The following RGS21 variants were observed in gnomAD, a reference collection of about 807,000 sequenced individuals.
RGS21 encodes the protein regulator of G-protein signalling 21.
A neutral mutation model predicts 18.7 loss-of-function variants in RGS21; 19 were observed. The observed-to-expected ratio is 1.01, with a 90% confidence interval of 0.71 to 1.49. The LOEUF (loss-of-function observed/expected upper bound fraction) is 1.49, where lower values mean the gene tolerates loss of function less well. Among genes scored for constraint, RGS21 ranks in the 40% most tolerant of loss-of-function variants. The pLI is 0.00. For synonymous variants in RGS21, 56 were observed against 57.8 expected (o/e 0.97, Z 0.14); for missense variants, 194 against 176.8 (o/e 1.10, Z -0.55).
intron 1 of RGS21, among the ~76,000 whole-genome samples, chr1:192,327,720 A>G (rs1658586792): frequency 6.6e-6 from 1 of 151,988 alleles, no homozygotes; most frequent in South Asian, 2.1e-4. Context: ...TGATCCACCC[A>G]CCTCAGCCTT....
intron 1 of RGS21, among the ~76,000 whole-genome samples, chr1:192,327,459 T>C (rs1658583380): frequency 1.3e-5 from 2 of 149,954 alleles, no homozygotes; most frequent in African/African-American, 5.0e-5. Context: ...AAAACATTCT[T>C]TTTTTTTAAT....
intron 3 of RGS21, among the ~76,000 whole-genome samples, chr1:192,349,872 G>A (rs1659011860): frequency 6.6e-6 from 1 of 152,078 alleles, no homozygotes; most frequent in African/African-American, 2.4e-5. Flanking sequence ...AATCCTCCTA[G>A]GGAGAAGCTC....
rs775274779 is a variant in RGS21 at position 192,366,094 on chromosome 1, A to G, written c.429A>G (p.Pro143=). ...YKKLVNSQQV[P]NHKKWLPFL The stretch of plus-strand genomic sequence containing the variant: ...AACTGGTAAATAGCCAACAGGTTCC[A>G]AATCATAAAAAATGGCTCCCTTTTT... Residue 143 remains proline (P), a synonymous_variant, in exon 5 of 5, where the codon CCA becomes CCG. Coordinates refer to ENST00000417209, the MANE Select transcript of RGS21 (RefSeq NM_001039152.3). The G allele has an allele frequency of 1.2e-6, 2 of 1,609,210 alleles. No individual in the cohort carries two copies. Among genetic ancestry groups the G allele is most frequent in the South Asian group, 2.2e-5 (2 of 90,504 alleles).
intron 3 of RGS21, among the ~76,000 whole-genome samples, chr1:192,349,664 C>T (rs545708810): frequency 6.6e-6 from 1 of 152,110 alleles, no homozygotes; most frequent in Non-Finnish European, 1.5e-5. Flanking sequence ...ATATCATGTT[C>T]AAGATATAGA....
chr1:192,329,114 A>G (rs1281883643), intron 1 of RGS21, among the ~76,000 whole-genome samples: 1 of 152,112 alleles, frequency 6.6e-6, no homozygotes, highest in Non-Finnish European at 1.5e-5. Flanking sequence ...GATACAATAA[A>G]TCACAAATTT....
intron 1 of RGS21, among the ~76,000 whole-genome samples, chr1:192,335,335 G>A (rs1431938207): frequency 6.6e-6 from 1 of 152,120 alleles, no homozygotes; most frequent in Non-Finnish European, 1.5e-5. Flanking sequence ...AATGAAATTA[G>A]ATACTCTCTT....
chr1:192,322,632 AC>A (rs546954021), intron 1 of RGS21, among the ~76,000 whole-genome samples: 67 of 152,084 alleles, frequency 4.4e-4, no homozygotes, highest in African/African-American at 1.5e-3. Context: ...AAGTTCTTCC[AC>A]TAACGCCAGA....
chr1:192,365,653 G>T (rs952246530), intron 4 of RGS21, among the ~76,000 whole-genome samples: 1 of 152,028 alleles, frequency 6.6e-6, no homozygotes, highest in East Asian at 1.9e-4. Flanking sequence ...AAAATATCTT[G>T]CTTGCTTTTT....
At chr1:192,339,702 A>T (rs1446613955) in intron 1 of RGS21, among the ~76,000 whole-genome samples, 2 of 152,088 alleles carry the variant, frequency 1.3e-5, no homozygotes, top group Non-Finnish European at 2.9e-5. Context: ...CCAGCATACT[A>T]TACTTTTTAA....
chr1:192,364,571 G>A (rs1003164443), intron 4 of RGS21, among the ~76,000 whole-genome samples: 4 of 152,074 alleles, frequency 2.6e-5, no homozygotes, highest in African/African-American at 9.7e-5. Flanking sequence ...CAAGTAAGTA[G>A]CTGAGGAGGA....
At chr1:192,327,555 C>A (rs189707641) in intron 1 of RGS21, among the ~76,000 whole-genome samples, 24 of 151,978 alleles carry the variant, frequency 1.6e-4, no homozygotes, top group Non-Finnish European at 2.6e-4. Flanking sequence ...TCACTGCAAC[C>A]TTCACCTCCT....
At chr1:192,351,724 A>C (rs1450637150) in intron 3 of RGS21, among the ~76,000 whole-genome samples, 1 of 147,878 alleles carries the variant, frequency 6.8e-6, no homozygotes, top group Non-Finnish European at 1.5e-5. Flanking sequence ...TATAACACAT[A>C]TAATATATAT....
chr1:192,331,304 A>G lies in RGS21; in HGVS notation c.-60-11673A>G, dbSNP rs1658644586. On this transcript the variant is annotated intron_variant, in intron 1 of 4. Transcript: ENST00000417209. ...TGTGGTGGCTCACGCCTATAATCCC[A>G]GCACTTTGGGAGGCCTAGGCAGGCA... Among the ~76,000 whole-genome samples the G allele has an allele frequency of 3.3e-5, 5 of 152,200 alleles. No individual in the cohort carries two copies. The South Asian group carries it at 1.0e-3, about 31-fold the overall frequency.
intron 4 of RGS21, among the ~76,000 whole-genome samples, chr1:192,362,930 T>C (rs969646267): frequency 3.9e-5 from 6 of 152,078 alleles, no homozygotes; most frequent in Non-Finnish European, 7.4e-5. Flanking sequence ...AATATCATCT[T>C]AGCAATGCAA....
intron 4 of RGS21, among the ~76,000 whole-genome samples, chr1:192,355,869 G>A (rs1659104892): frequency 1.3e-5 from 2 of 151,166 alleles, no homozygotes; most frequent in African/African-American, 4.8e-5. Flanking sequence ...AAGTCATAGA[G>A]GATGAAAATA....
intron 3 of RGS21, among the ~76,000 whole-genome samples, chr1:192,348,130 A>T (rs960359881): frequency 4.0e-5 from 6 of 150,588 alleles, no homozygotes; most frequent in Non-Finnish European, 8.9e-5. Context: ...GGTTCAAGGG[A>T]TTCTCCTGCC....
chr1:192,361,922 G>A (rs1659192504), intron 4 of RGS21, among the ~76,000 whole-genome samples: 1 of 152,054 alleles, frequency 6.6e-6, no homozygotes, highest in South Asian at 2.1e-4. Context: ...CTGTGAACAA[G>A]GAAGGCTTCT....
intron 4 of RGS21, among the ~76,000 whole-genome samples, chr1:192,364,501 C>T (rs1659227556): frequency 6.6e-6 from 1 of 152,076 alleles, no homozygotes; most frequent in South Asian, 2.1e-4. Context: ...TATTCTCTTT[C>T]ACACTATGGA....
intron 1 of RGS21, among the ~76,000 whole-genome samples, chr1:192,327,224 G>A (rs1658579945): frequency 6.6e-6 from 1 of 151,602 alleles, no homozygotes. Context: ...GTGGCAAAGA[G>A]CAATGAAAAA....
Sources: allele counts gnomAD v4.1 joint callset (sites outside exome capture counted in the v4.1 genomes callset), GRCh38; gene constraint gnomAD v4.1.1; transcripts MANE v1.5; gene names NCBI Gene and HGNC (gene_info 2026-07-23, HGNC 2026-07-21).